CAST: variants seen among roughly 807,000 people sequenced by gnomAD.
The protein encoded by CAST is calpastatin.
A neutral mutation model predicts 119.6 loss-of-function variants in CAST; 76 were observed. That is an observed-to-expected ratio of 0.64 (90% CI 0.53 to 0.77). CAST has a LOEUF of 0.77. Ranked by LOEUF, CAST falls within the 30% of genes least tolerant of loss-of-function variation. The pLI, the probability that CAST is intolerant of heterozygous loss-of-function variation, is 0.00. For synonymous variants in CAST, 319 were observed against 331.6 expected, an observed-to-expected ratio of 0.96 and a Z score of 0.41; for missense variants, 953 against 946.5, an observed-to-expected ratio of 1.01 and a Z score of -0.09.
the CAST span, among the ~76,000 whole-genome samples, chr5:96,304,758 G>A: frequency 6.6e-6 from 1 of 152,196 alleles, no homozygotes; most frequent in African/African-American, 2.4e-5. Flanking sequence ...TCAGATGGTT[G>A]TAGACGTGTG....
chr5:96,706,647 T>A (rs1755036549), intron 3 of CAST, among the ~76,000 whole-genome samples: 1 of 152,236 alleles, frequency 6.6e-6, no homozygotes, highest in Non-Finnish European at 1.5e-5. Flanking sequence ...GGACTGCTTA[T>A]AAGTGTGAAA....
chr5:96,300,443 G>A, the CAST span, among the ~76,000 whole-genome samples: 1 of 152,072 alleles, frequency 6.6e-6, no homozygotes, highest in Non-Finnish European at 1.5e-5. Flanking sequence ...TCACTATTCT[G>A]TTCCATTGGT....
the CAST span, among the ~76,000 whole-genome samples, chr5:96,487,626 TA>T: frequency 1.3e-5 from 2 of 152,256 alleles, no homozygotes; most frequent in Non-Finnish European, 2.9e-5. Flanking sequence ...AACTCAAGTT[TA>T]AACAACTTCA....
chr5:96,663,105 GC>G (rs1748794044), intron 1 of CAST: 4 of 702,460 alleles, frequency 5.7e-6, no homozygotes, highest in Middle Eastern at 2.3e-4. Flanking sequence ...CGGCTCCCCC[GC>G]CGTGCGGATC....
At chr5:96,352,571 C>T in the CAST span, among the ~76,000 whole-genome samples, 1 of 152,086 alleles carries the variant, frequency 6.6e-6, no homozygotes, top group African/African-American at 2.4e-5. Context: ...TTTATTTCCA[C>T]CAACAGGGGT....
chr5:96,467,408 T>C, the CAST span, among the ~76,000 whole-genome samples: 1 of 152,080 alleles, frequency 6.6e-6, no homozygotes, highest in African/African-American at 2.4e-5. Context: ...TCCCCTATAC[T>C]GAGATTAAAA....
chr5:96,018,711 C>T, the CAST span, among the ~76,000 whole-genome samples: 1 of 152,112 alleles, frequency 6.6e-6, no homozygotes, highest in African/African-American at 2.4e-5. Flanking sequence ...ACTCCTGTTT[C>T]CTGAAATAAG....
the CAST span, among the ~76,000 whole-genome samples, chr5:96,519,315 G>T: frequency 6.6e-6 from 1 of 152,156 alleles, no homozygotes; most frequent in East Asian, 1.9e-4. Flanking sequence ...TAGAAAACAG[G>T]TATAGAGGCT....
At chr5:96,533,949 G>T (rs1337977598) in intron 1 of CAST, among the ~76,000 whole-genome samples, 1 of 152,080 alleles carries the variant, frequency 6.6e-6, no homozygotes, top group Non-Finnish European at 1.5e-5. Flanking sequence ...TAAAGTTTTA[G>T]CAGACATTTC....
chr5:96,737,032 T>G (rs1393447958), intron 10 of CAST, among the ~76,000 whole-genome samples: 1 of 152,148 alleles, frequency 6.6e-6, no homozygotes, highest in African/African-American at 2.4e-5. Flanking sequence ...CAAACACTTA[T>G]AAAACCATCC....
the CAST span, among the ~76,000 whole-genome samples, chr5:96,039,944 T>C: frequency 1.3e-5 from 2 of 152,164 alleles, no homozygotes; most frequent in Non-Finnish European, 2.9e-5. Context: ...ATAGCATGAA[T>C]CTATAAATTA....
intron 1 of CAST, among the ~76,000 whole-genome samples, chr5:96,536,229 G>A (rs974247245): frequency 2.0e-5 from 3 of 151,956 alleles, no homozygotes; most frequent in Non-Finnish European, 4.4e-5. Flanking sequence ...CGTGGTGAGA[G>A]ACGCCTGTAA....
the CAST span, among the ~76,000 whole-genome samples, chr5:96,409,671 G>A: frequency 6.6e-6 from 1 of 152,198 alleles, no homozygotes; most frequent in African/African-American, 2.4e-5. Context: ...GACACCCAGG[G>A]AAATGACAAC....
At chr5:96,169,617 G>C in the CAST span, among the ~76,000 whole-genome samples, 8 of 152,272 alleles carry the variant, frequency 5.3e-5, no homozygotes, top group East Asian at 1.5e-3. Context: ...TTTAAAGCGT[G>C]CTGTGGGATG....
the CAST span, among the ~76,000 whole-genome samples, chr5:96,220,789 T>TG: frequency 6.6e-6 from 1 of 152,122 alleles, no homozygotes. Context: ...CCTGACATCC[T>TG]TTTTTTCTGA....
the CAST span, among the ~76,000 whole-genome samples, chr5:96,296,461 C>T: frequency 6.6e-6 from 1 of 152,096 alleles, no homozygotes; most frequent in Non-Finnish European, 1.5e-5. Context: ...TAAGATATTA[C>T]TTTATGGTTG....
chr5:96,586,262 T>C (rs1261133610), intron 1 of CAST, among the ~76,000 whole-genome samples: 2 of 152,218 alleles, frequency 1.3e-5, no homozygotes, highest in Non-Finnish European at 2.9e-5. Flanking sequence ...GCTCCTTTTT[T>C]TTCCCCTGTG....
the CAST span, among the ~76,000 whole-genome samples, chr5:95,987,630 T>C: frequency 9.1e-4 from 139 of 152,252 alleles, no homozygotes; most frequent in Non-Finnish European, 1.8e-3. Context: ...TTACTACTTA[T>C]TAGTTGTAAA....
chr5:96,051,716 AC>A, the CAST span, among the ~76,000 whole-genome samples: 8 of 152,096 alleles, frequency 5.3e-5, no homozygotes, highest in Non-Finnish European at 8.8e-5. Flanking sequence ...GAAATCGACC[AC>A]CCCTGTGTTA....
Sources: gnomAD v4.1 joint callset for allele counts (sites outside exome capture counted in the v4.1 genomes callset) on GRCh38, gnomAD v4.1.1 for gene constraint, MANE v1.5 for transcripts, NCBI Gene and HGNC (gene_info 2026-07-23, HGNC 2026-07-21) for gene names.